NSL1: variants seen among roughly 807,000 people sequenced by gnomAD.
The protein encoded by NSL1 is kinetochore-associated protein NSL1 homolog.
In NSL1, 11 loss-of-function variants were observed where a neutral mutation model predicts 25.4. The ratio of observed to expected loss-of-function variants is 0.43; its 90% confidence interval spans 0.27 to 0.72. The LOEUF is 0.72. Among genes scored for constraint, NSL1 ranks in the 30% least tolerant of loss-of-function variants. The pLI, the probability that NSL1 is intolerant of heterozygous loss-of-function variation, is 0.19. For synonymous variants in NSL1, 118 were observed against 120.6 expected (o/e 0.98, Z 0.14); for missense variants, 330 against 342.7 (o/e 0.96, Z 0.29).
At position 212,748,806 on chromosome 1, in the gene NSL1, CA is replaced by C. The variant is rs145836948; in HGVS notation, c.500-9206del. Among the ~76,000 whole-genome samples the C allele has an allele frequency of 5.2e-3, 796 of 152,220 alleles. 5 individuals carry two copies. The highest frequency in any genetic ancestry group is 0.018 in the African/African-American group (760 of 41,542). On this transcript the variant is annotated intron_variant, in intron 4 of 5. Coordinates refer to ENST00000366977, the MANE Select transcript of NSL1 (RefSeq NM_015471.4). ...GATAAATATGTGCTAGTTACATTTTCAAATAATATGTTCAATATCTTTTTCT... is the reference window on the plus strand; with the variant it reads ...GATAAATATGTGCTAGTTACATTTTCAATAATATGTTCAATATCTTTTTCT...
At chr1:212,740,128 C>CTTA (rs1226668853) in intron 4 of NSL1, among the ~76,000 whole-genome samples, 1 of 152,072 alleles carries the variant, frequency 6.6e-6, no homozygotes, top group African/African-American at 2.4e-5. Flanking sequence ...AGATAAAAAT[C>CTTA]TTACTAAAAC....
Position 212,733,383 on chromosome 1 carries a change from G to C in NSL1, c.*5025C>G, listed in dbSNP as rs1020712057. On this transcript the variant is annotated 3_prime_UTR_variant, in exon 6 of 6. Transcript: ENST00000366977. The stretch of plus-strand genomic sequence containing the variant: ...GGGGGCAGAGGTTGCAGTAAGCCAA[G>C]ATAGCACCACTGTACTCCAGCTTGG... Among the ~76,000 whole-genome samples the C allele has an allele frequency of 2.1e-5, 3 of 144,448 alleles. No individual in the cohort carries two copies. Among genetic ancestry groups the C allele is most frequent in the Non-Finnish European group, 4.5e-5 (3 of 67,022 alleles). The allele number at this position is 144,448 out of a possible 152,430, so 94.8% of individuals were successfully genotyped here.
chr1:212,737,088 G>A lies in NSL1; in HGVS notation c.*1320C>T. 1 of 985,336 alleles carries A rather than the reference G, an allele frequency of 1.0e-6. No homozygotes were observed. Among genetic ancestry groups the A allele is most frequent in the South Asian group, 4.7e-5 (1 of 21,282 alleles). 61.0% of individuals were successfully genotyped at this position (985,336 alleles called of 1,614,324 possible). The stretch of plus-strand genomic sequence containing the variant: ...AAGTCTAGTATGTTCAGAAACGCAG[G>A]GTGCTGACCCACCATCCAACTGAAG... On this transcript the variant is annotated 3_prime_UTR_variant, in exon 6 of 6. Coordinates refer to ENST00000366977, the MANE Select transcript of NSL1 (RefSeq NM_015471.4).
intron 4 of NSL1, chr1:212,766,135 C>CAAA (rs773995954): frequency 1.9e-3 from 536 of 280,944 alleles, no homozygotes; most frequent in South Asian, 2.9e-3. Context: ...GACTCCATCT[C>CAAA]AAAAAAAAAA....
intron 4 of NSL1, among the ~76,000 whole-genome samples, chr1:212,754,549 G>T (rs1659210983): frequency 6.6e-6 from 1 of 152,014 alleles, no homozygotes; most frequent in African/African-American, 2.4e-5. Flanking sequence ...GGCTGAGATG[G>T]GTGGATCACG....
chr1:212,729,975 G>A lies in NSL1; in HGVS notation c.*8433C>T, dbSNP rs2102418145. 1 of 984,998 alleles carries A rather than the reference G, an allele frequency of 1.0e-6. No homozygotes were observed. The highest frequency in any genetic ancestry group is 6.2e-5 in the Admixed American group (1 of 16,244). The allele number at this position is 984,998 out of a possible 1,614,324, so 61.0% of individuals were successfully genotyped here. On this transcript the variant is annotated 3_prime_UTR_variant, in exon 6 of 6. Coordinates refer to ENST00000366977, the MANE Select transcript of NSL1 (RefSeq NM_015471.4). ...TTTTTTTAAGAATGAAATGGGCCGG[G>A]CGTGGCGGCTCACTCCTGTAATCAC...
At position 212,736,516 on chromosome 1, in the gene NSL1, A is replaced by G; in HGVS notation, c.*1892T>C. ...TGCAACTTCTCCTCTTACACAGTAT[A>G]CTTATTCAATATTATTACTGCTATT... On this transcript the variant is annotated 3_prime_UTR_variant, in exon 6 of 6. Transcript: ENST00000366977. The G allele has an allele frequency of 1.0e-6, 1 of 984,942 alleles. No individual in the cohort carries two copies. Among genetic ancestry groups the G allele is most frequent in the Non-Finnish European group, 1.2e-6 (1 of 829,492 alleles). The allele number at this position is 984,942 out of a possible 1,614,324, so 61.0% of individuals were successfully genotyped here.
Position 212,730,959 on chromosome 1 carries a change from A to G in NSL1, c.*7449T>C, listed in dbSNP as rs1657988816. The G allele has an allele frequency of 3.0e-6, 3 of 985,450 alleles. No individual in the cohort carries two copies. Among genetic ancestry groups the G allele is most frequent in the Non-Finnish European group, 3.6e-6 (3 of 829,922 alleles). The allele number at this position is 985,450 out of a possible 1,614,324, so 61.0% of individuals were successfully genotyped here. On this transcript the variant is annotated 3_prime_UTR_variant, in exon 6 of 6. Coordinates refer to ENST00000366977, the MANE Select transcript of NSL1 (RefSeq NM_015471.4). ...CAATATGAACTCATTCATTCAACGA[A>G]TATTAGTTTACAGCCCATGGGCAAA...
Position 212,729,744 on chromosome 1 carries a change from TC to T in NSL1, c.*8663del, listed in dbSNP as rs149266235. ...TCCTCCTCTCTTTTCCTTTTTCCTA[TC>T]CGCTCTTCTGGTGGAGATGCTCGGC... On this transcript the variant is annotated 3_prime_UTR_variant, in exon 6 of 6. Coordinates refer to ENST00000366977, the MANE Select transcript of NSL1 (RefSeq NM_015471.4). 244 of 985,388 alleles carry T rather than the reference TC, an allele frequency of 2.5e-4. 1 individual carries two copies. In the African/African-American group the frequency reaches 3.8e-3, roughly 15 times the overall value. The allele number at this position is 985,388 out of a possible 1,614,324, so 61.0% of individuals were successfully genotyped here.
chr1:212,786,937 T>TGA (rs898231667), intron 2 of NSL1, among the ~76,000 whole-genome samples: 15 of 151,254 alleles, frequency 9.9e-5, no homozygotes, highest in African/African-American at 3.6e-4. Flanking sequence ...TACCAGCACT[T>TGA]TAGGAGATTG....
Position 212,738,701 on chromosome 1 carries a change from A to G in NSL1, c.568-15T>C, listed in dbSNP as rs2102428115. On this transcript the variant is annotated splice_polypyrimidine_tract_variant and intron_variant, in intron 5 of 5. Transcript: ENST00000366977. ...GCAGGCAAGGACTTCAAACAAACAAACAGTAATATTCAACATTAATCTCAG... is the reference window on the plus strand; with the variant it reads ...GCAGGCAAGGACTTCAAACAAACAAGCAGTAATATTCAACATTAATCTCAG... The G allele has an allele frequency of 6.2e-7, 1 of 1,601,960 alleles. No homozygotes were observed. The highest frequency in any genetic ancestry group is 8.5e-7 in the Non-Finnish European group (1 of 1,170,970).
At position 212,736,834 on chromosome 1, in the gene NSL1, T is replaced by C. The variant is rs1658250515; in HGVS notation, c.*1574A>G. On this transcript the variant is annotated 3_prime_UTR_variant, in exon 6 of 6. Coordinates refer to ENST00000366977, the MANE Select transcript of NSL1 (RefSeq NM_015471.4). ...TGAATACTTCAGAGCAAATCTATCATGTCATTTAAAAACTCTATGTAGCAC... is the reference window on the plus strand; with the variant it reads ...TGAATACTTCAGAGCAAATCTATCACGTCATTTAAAAACTCTATGTAGCAC... 24 of 985,318 alleles carry C rather than the reference T, an allele frequency of 2.4e-5. No individual in the cohort carries two copies. The South Asian group carries it at 8.9e-4, about 37-fold the overall frequency. The allele number at this position is 985,318 out of a possible 1,614,324, so 61.0% of individuals were successfully genotyped here.
intron 2 of NSL1, 56 bp from the exon 3 acceptor site, chr1:212,784,549 A>G: frequency 8.8e-7 from 1 of 1,137,930 alleles, no homozygotes; most frequent in South Asian, 1.7e-5. Context: ...CATTGTTTAC[A>G]TTCTGTATGG....
chr1:212,778,880 C>A (rs1377802197), intron 4 of NSL1, among the ~76,000 whole-genome samples: 2 of 151,316 alleles, frequency 1.3e-5, no homozygotes, highest in Admixed American at 6.6e-5. Context: ...ATGTGAGGAG[C>A]CCCTCTGCCC....
chr1:212,791,733 C>T lies in NSL1; in HGVS notation c.31G>A (p.Asp11Asn), dbSNP rs751208674. ...GCGAGCTCCTTGTCCCATGGAGGGT[C>T]AAGGACCACCAACTCAGGAGACCCC... The part of the protein sequence containing the change: MAGSPELVVL[D>N]PPWDKELAAG... Residue 11 changes from aspartate (D) to asparagine (N), a missense_variant, in exon 1 of 6, where the codon GAC becomes AAC. Asp to Asn is a conservative substitution (Grantham distance 23). Transcript: ENST00000366977. 6.2e-7 allele frequency: 1 copy of T among 1,612,140 alleles called. No homozygotes were observed. The highest frequency in any genetic ancestry group is 1.1e-5 in the South Asian group (1 of 90,990).
chr1:212,791,746 C>T lies in NSL1; in HGVS notation c.18G>A (p.Glu6=), dbSNP rs370513621. The change falls in exon 1 of 6, where the codon GAG becomes GAA. Residue 6 remains glutamate, a synonymous_variant. Coordinates refer to ENST00000366977, the MANE Select transcript of NSL1 (RefSeq NM_015471.4). ...CCCATGGAGGGTCAAGGACCACCAACTCAGGAGACCCCGCCATTTTTCGTC... is the reference window on the plus strand; with the variant it reads ...CCCATGGAGGGTCAAGGACCACCAATTCAGGAGACCCCGCCATTTTTCGTC... MAGSP[E]LVVLDPPWDK... 6.6e-5 allele frequency: 106 copies of T among 1,606,872 alleles called. No homozygotes were observed. In the African/African-American group the frequency reaches 1.4e-3, roughly 21 times the overall value.
chr1:212,778,399 C>G (rs1482674926), intron 4 of NSL1, among the ~76,000 whole-genome samples: 1 of 145,326 alleles, frequency 6.9e-6, no homozygotes, highest in African/African-American at 2.4e-5. Context: ...TTTTCGCTCT[C>G]TCCTCTCTCC....
At chr1:212,744,953 TG>T (rs1404174412) in intron 4 of NSL1, among the ~76,000 whole-genome samples, 1 of 151,880 alleles carries the variant, frequency 6.6e-6, no homozygotes, top group African/African-American at 2.4e-5. Flanking sequence ...AGCCTGGCCA[TG>T]GTGAAACCCC....
intron 4 of NSL1, among the ~76,000 whole-genome samples, chr1:212,757,615 G>A (rs1659377384): frequency 6.6e-6 from 1 of 152,294 alleles, no homozygotes; most frequent in Non-Finnish European, 1.5e-5. Context: ...GAGCAAGGAT[G>A]TGGATGTGGG....
Sources: allele counts gnomAD v4.1 joint callset (sites outside exome capture counted in the v4.1 genomes callset), GRCh38; gene constraint gnomAD v4.1.1; transcripts MANE v1.5; gene names NCBI Gene and HGNC (gene_info 2026-07-23, HGNC 2026-07-21).